CDH12: variants seen among roughly 807,000 people sequenced by gnomAD.
CDH12 encodes cadherin 12.
Under a neutral mutation model 74.1 loss-of-function variants are expected in CDH12, and 41 were observed. That is an observed-to-expected ratio of 0.55 (90% CI 0.43 to 0.72). The LOEUF is 0.72. Ranked by LOEUF, CDH12 falls within the 30% of genes least tolerant of loss-of-function variation. CDH12 has a pLI of 0.00. For missense variants in CDH12, 945 were observed against 977.2 expected (o/e 0.97, Z 0.44); for synonymous variants, 399 against 355.0 (o/e 1.12, Z -1.39).
At chr5:21,846,990 G>T (rs1750207926) in intron 7 of CDH12, among the ~76,000 whole-genome samples, 1 of 152,086 alleles carries the variant, frequency 6.6e-6, no homozygotes, top group Admixed American at 6.6e-5. Context: ...ACCCAATGAG[G>T]TTTATAGTTC....
At chr5:21,761,833 C>T (rs1744744981) in intron 12 of CDH12, among the ~76,000 whole-genome samples, 1 of 152,052 alleles carries the variant, frequency 6.6e-6, no homozygotes, top group South Asian at 2.1e-4. Context: ...TTAGTAATTT[C>T]TAATTTAACA....
chr5:21,855,306 A>G (rs1750695929), intron 6 of CDH12, among the ~76,000 whole-genome samples: 1 of 151,734 alleles, frequency 6.6e-6, no homozygotes, highest in East Asian at 1.9e-4. Context: ...AAATAATTGC[A>G]AAATAGTTAT....
intron 10 of CDH12, among the ~76,000 whole-genome samples, chr5:21,796,724 CAAAAG>C (rs1161995016): frequency 6.6e-6 from 1 of 151,842 alleles, no homozygotes; most frequent in Non-Finnish European, 1.5e-5. Flanking sequence ...ACGTTTGGAA[CAAAAG>C]AAAAGTGGTA....
At chr5:21,915,338 A>G (rs990130514) in intron 6 of CDH12, among the ~76,000 whole-genome samples, 21 of 152,174 alleles carry the variant, frequency 1.4e-4, no homozygotes, top group Admixed American at 3.3e-4. Context: ...AAAGCATGAG[A>G]AAACAAACAA....
intron 1 of CDH12, among the ~76,000 whole-genome samples, chr5:22,564,074 C>T (rs909621680): frequency 5.3e-5 from 8 of 152,112 alleles, no homozygotes; most frequent in African/African-American, 1.4e-4. Context: ...CAACCAATTC[C>T]GTTTATTCTA....
chr5:22,342,597 CTCTT>C (rs1375513442), intron 3 of CDH12, among the ~76,000 whole-genome samples: 7 of 50,086 alleles, frequency 1.4e-4, no homozygotes, highest in African/African-American at 1.8e-4. Flanking sequence ...CTTCCTTTCT[CTCTT>C]TCTTACTTTT....
At chr5:22,469,702 T>C (rs1388613496) in intron 2 of CDH12, among the ~76,000 whole-genome samples, 1 of 152,164 alleles carries the variant, frequency 6.6e-6, no homozygotes, top group African/African-American at 2.4e-5. Flanking sequence ...CTATACTGAC[T>C]TTTAGTGGTG....
At chr5:22,552,321 C>T (rs1042988678) in intron 1 of CDH12, among the ~76,000 whole-genome samples, 26 of 152,072 alleles carry the variant, frequency 1.7e-4, no homozygotes, top group Admixed American at 1.5e-3. Context: ...ATCATCATGC[C>T]TTAAATTTCT....
At chr5:22,793,574 C>G (rs1748032062) in intron 1 of CDH12, among the ~76,000 whole-genome samples, 1 of 152,118 alleles carries the variant, frequency 6.6e-6, no homozygotes. Context: ...GTCTTAGTCA[C>G]CAGGAGCTTA....
intron 4 of CDH12, among the ~76,000 whole-genome samples, chr5:22,159,591 A>G (rs1231732714): frequency 6.6e-6 from 1 of 152,164 alleles, no homozygotes; most frequent in African/African-American, 2.4e-5. Flanking sequence ...TTTTTTACCC[A>G]CCAAATAAAA....
chr5:21,777,318 TTC>T (rs201526330), intron 11 of CDH12, among the ~76,000 whole-genome samples: 2,498 of 152,270 alleles, frequency 0.016, 27 homozygotes, highest in South Asian at 0.033. Context: ...TATTTTTCTA[TTC>T]TGAGTCTCTG....
chr5:21,881,078 C>T (rs1476131544), intron 6 of CDH12, among the ~76,000 whole-genome samples: 1 of 151,922 alleles, frequency 6.6e-6, no homozygotes, highest in Non-Finnish European at 1.5e-5. Context: ...ACTATTTTAG[C>T]AGCTCACACT....
intron 1 of CDH12, among the ~76,000 whole-genome samples, chr5:22,836,413 T>G (rs1242153735): frequency 4.0e-5 from 6 of 151,644 alleles, no homozygotes; most frequent in Admixed American, 4.0e-4. Flanking sequence ...GTATTTTTTG[T>G]AGAGACAGGG....
intron 3 of CDH12, among the ~76,000 whole-genome samples, chr5:22,326,718 T>C (rs1739124472): frequency 6.6e-6 from 1 of 152,176 alleles, no homozygotes; most frequent in Non-Finnish European, 1.5e-5. Context: ...ACCTATAAAA[T>C]CCTGTCAAAT....
intron 13 of CDH12, among the ~76,000 whole-genome samples, chr5:21,757,911 T>C (rs748500150): frequency 5.9e-5 from 9 of 152,160 alleles, no homozygotes; most frequent in Non-Finnish European, 1.2e-4. Flanking sequence ...TTTGTCTCCA[T>C]CTTCACAGTC....
At chr5:22,775,995 A>C (rs2126328537) in intron 1 of CDH12, among the ~76,000 whole-genome samples, 1 of 152,162 alleles carries the variant, frequency 6.6e-6, no homozygotes, top group East Asian at 1.9e-4. Flanking sequence ...GCCACCATGT[A>C]AGAAGTGCCT....
intron 3 of CDH12, among the ~76,000 whole-genome samples, chr5:22,377,597 T>C (rs1032685691): frequency 2.6e-5 from 4 of 152,164 alleles, no homozygotes; most frequent in Non-Finnish European, 5.9e-5. Flanking sequence ...GATCTGCAAC[T>C]CCCCTCTCTC....
At chr5:21,967,981 C>T (rs1238063964) in intron 6 of CDH12, among the ~76,000 whole-genome samples, 4 of 152,108 alleles carry the variant, frequency 2.6e-5, no homozygotes, top group Non-Finnish European at 4.4e-5. Flanking sequence ...GGCTTGTCTC[C>T]ACACATCAAG....
intron 3 of CDH12, among the ~76,000 whole-genome samples, chr5:22,262,275 C>G (rs1314488632): frequency 7.4e-5 from 9 of 121,490 alleles, no homozygotes; most frequent in Non-Finnish European, 1.3e-4. Context: ...CCCCTCCCCC[C>G]ACCCCACAAC....
Sources: allele counts gnomAD v4.1 joint callset (sites outside exome capture counted in the v4.1 genomes callset), GRCh38; gene constraint gnomAD v4.1.1; transcripts MANE v1.5; gene names NCBI Gene and HGNC (gene_info 2026-07-23, HGNC 2026-07-21).